PARD3B: variants seen among roughly 807,000 people sequenced by gnomAD.
The protein encoded by PARD3B is partitioning defective 3 homolog B.
A neutral mutation model predicts 130.2 loss-of-function variants in PARD3B; 103 were observed. That is an observed-to-expected ratio of 0.79 (90% CI 0.67 to 0.93). The LOEUF (loss-of-function observed/expected upper bound fraction) is 0.93. PARD3B is among the 40% of genes least tolerant of loss of function. The probability of loss-of-function intolerance (pLI) is 0.00; values close to 1 mark genes in which losing one functional copy is unlikely to be tolerated. For missense variants in PARD3B, 1,609 were observed against 1,499.2 expected (o/e 1.07, Z -1.21); for synonymous variants, 583 against 553.2 (o/e 1.05, Z -0.76).
At chr2:204,752,182 T>C (rs2040490547) in intron 2 of PARD3B, among the ~76,000 whole-genome samples, 1 of 152,228 alleles carries the variant, frequency 6.6e-6, no homozygotes, top group Non-Finnish European at 1.5e-5. Context: ...AGATTATCTT[T>C]AAAAGTGTGG....
At chr2:205,136,728 A>G (rs1335817106) in intron 10 of PARD3B, among the ~76,000 whole-genome samples, 1 of 152,240 alleles carries the variant, frequency 6.6e-6, no homozygotes, top group Non-Finnish European at 1.5e-5. Flanking sequence ...CGGCCACCCA[A>G]AACATCTTAG....
chr2:205,061,085 T>C (rs1348942678), intron 4 of PARD3B, among the ~76,000 whole-genome samples: 2 of 152,156 alleles, frequency 1.3e-5, no homozygotes, highest in Non-Finnish European at 1.5e-5. Context: ...AGAGGTACCT[T>C]ACTGGAAGCT....
intron 1 of PARD3B, among the ~76,000 whole-genome samples, chr2:204,548,295 T>A (rs1197515623): frequency 6.6e-6 from 1 of 152,192 alleles, no homozygotes; most frequent in Non-Finnish European, 1.5e-5. Context: ...TGTAAATCAG[T>A]GAATTTCTGC....
chr2:204,956,568 T>C (rs1690257212), intron 2 of PARD3B, among the ~76,000 whole-genome samples: 2 of 151,920 alleles, frequency 1.3e-5, no homozygotes, highest in Admixed American at 1.3e-4. Context: ...ATTTTAAATA[T>C]CCCAGCTTGT....
At chr2:205,311,416 G>A (rs2704643) in intron 18 of PARD3B, among the ~76,000 whole-genome samples, 138,994 of 152,218 alleles carry the variant, frequency 0.91, 63,648 homozygotes, top group Admixed American at 0.95. Flanking sequence ...CTGATGATTC[G>A]TGATATCACT....
chr2:205,184,624 T>C (rs867275113), intron 13 of PARD3B, among the ~76,000 whole-genome samples: 4 of 151,904 alleles, frequency 2.6e-5, no homozygotes, highest in African/African-American at 9.7e-5. Context: ...CGCCTGTAGT[T>C]CCAGCTATTC....
chr2:205,224,072 A>T lies in PARD3B; in HGVS notation c.2141-21706A>T, dbSNP rs1342237653. ...GAGTGAGACTCCATCTCAAAAAAAA[A>T]AAAAGAAAATAAATGGGCCAGGCAC... On this transcript the variant is annotated intron_variant, in intron 15 of 22. Coordinates refer to ENST00000406610, the MANE Select transcript of PARD3B (RefSeq NM_001302769.2). 2.0e-5 allele frequency among the ~76,000 whole-genome samples: 3 copies of T among 150,474 alleles called. No homozygotes were observed. In the East Asian group the frequency reaches 5.9e-4, roughly 30 times the overall value.
intron 21 of PARD3B, among the ~76,000 whole-genome samples, chr2:205,536,693 ACTCT>A (rs1370622925): frequency 1.3e-5 from 2 of 151,992 alleles, no homozygotes; most frequent in African/African-American, 2.4e-5. Context: ...CAGGAATGTA[ACTCT>A]CTCTACTTCC....
chr2:205,079,576 C>A (rs1553609894), intron 4 of PARD3B, among the ~76,000 whole-genome samples: 1 of 152,220 alleles, frequency 6.6e-6, no homozygotes, highest in Non-Finnish European at 1.5e-5. Flanking sequence ...AAGACCTGAT[C>A]ACCTCCCAAA....
At chr2:205,004,017 A>G (rs919732194) in intron 3 of PARD3B, among the ~76,000 whole-genome samples, 4 of 152,188 alleles carry the variant, frequency 2.6e-5, no homozygotes, top group Non-Finnish European at 5.9e-5. Flanking sequence ...TCATTTTATC[A>G]GTTTAGACTG....
chr2:205,416,574 G>T (rs1021162852), intron 19 of PARD3B, among the ~76,000 whole-genome samples: 1 of 152,132 alleles, frequency 6.6e-6, no homozygotes, highest in Non-Finnish European at 1.5e-5. Flanking sequence ...CCCTTGGCCT[G>T]CAGGTGAGCA....
At chr2:204,794,311 T>G (rs930033749) in intron 2 of PARD3B, among the ~76,000 whole-genome samples, 1 of 152,224 alleles carries the variant, frequency 6.6e-6, no homozygotes, top group Admixed American at 6.5e-5. Flanking sequence ...ATTACAAGAT[T>G]GTTTTTAAGT....
At chr2:205,086,890 T>G (rs766997795) in intron 4 of PARD3B, among the ~76,000 whole-genome samples, 1 of 152,192 alleles carries the variant, frequency 6.6e-6, no homozygotes, top group Admixed American at 6.5e-5. Flanking sequence ...GAAAACCAGA[T>G]GCTTAGACCA....
intron 8 of PARD3B, among the ~76,000 whole-genome samples, chr2:205,123,372 G>T (rs1575856239): frequency 6.6e-6 from 1 of 152,178 alleles, no homozygotes; most frequent in East Asian, 1.9e-4. Context: ...GGTACATAGT[G>T]AAGTTTGAAA....
At chr2:204,903,349 A>C (rs1365195039) in intron 2 of PARD3B, among the ~76,000 whole-genome samples, 3 of 152,196 alleles carry the variant, frequency 2.0e-5, no homozygotes, top group African/African-American at 7.2e-5. Flanking sequence ...TTTTAGAGAC[A>C]TTGTGTTATG....
chr2:205,270,944 A>G (rs1375044071), intron 16 of PARD3B, among the ~76,000 whole-genome samples: 1 of 152,156 alleles, frequency 6.6e-6, no homozygotes, highest in Non-Finnish European at 1.5e-5. Context: ...AAGTAAGAAC[A>G]TACCGGATTT....
chr2:205,301,549 CAT>C lies in PARD3B; in HGVS notation c.2479_2480del (p.Met827GlyfsTer3). On this transcript the variant is annotated frameshift_variant, in exon 18 of 23. Transcript: ENST00000406610. LOFTEE classifies it high-confidence loss of function. This position sits in a 1 kb window ranked among gnomAD's most constrained non-coding sequence, Gnocchi z 5.2. ...CTCAGGGGAATTCGGAGCTAGAGGACATGGAAAATAAAGCCAGGAAAGTCAAA... is the reference window on the plus strand; with the variant it reads ...CTCAGGGGAATTCGGAGCTAGAGGACGGAAAATAAAGCCAGGAAAGTCAAA... ...APQGNSELED[M>X]ENKARKVKKT... 6.2e-7 allele frequency: 1 copy of C among 1,612,278 alleles called. No homozygotes were observed.
intron 4 of PARD3B, among the ~76,000 whole-genome samples, chr2:205,068,499 T>G (rs1700526932): frequency 6.6e-6 from 1 of 152,152 alleles, no homozygotes; most frequent in Admixed American, 6.6e-5. Flanking sequence ...TATTCTTTCA[T>G]TCTTTTCCAG....
intron 2 of PARD3B, among the ~76,000 whole-genome samples, chr2:204,714,602 T>C (rs1433639860): frequency 2.0e-5 from 3 of 152,218 alleles, no homozygotes; most frequent in Non-Finnish European, 4.4e-5. Flanking sequence ...ATCTTCTGCC[T>C]TAAGGAAATT....
Sources: gnomAD v4.1 joint callset for allele counts (sites outside exome capture counted in the v4.1 genomes callset) on GRCh38, gnomAD v4.1.1 for gene constraint, Gnocchi (gnomAD v3.1) non-coding constraint, MANE v1.5 for transcripts, NCBI Gene and HGNC (gene_info 2026-07-23, HGNC 2026-07-21) for gene names.